The following ROBO2 variants were observed in gnomAD, a reference collection of about 807,000 sequenced individuals.
The protein encoded by ROBO2 is roundabout homolog 2.
Under a neutral mutation model 160.8 loss-of-function variants are expected in ROBO2, and 53 were observed. The ratio of observed to expected loss-of-function variants is 0.33; its 90% CI spans 0.26 to 0.41. The LOEUF (loss-of-function observed/expected upper bound fraction) is 0.41, where lower values mean the gene tolerates loss of function less well. Ranked by LOEUF, ROBO2 falls within the 10% of genes least tolerant of loss-of-function variation. The pLI, the probability that ROBO2 is intolerant of heterozygous loss-of-function variation, is 1.00. For missense variants in ROBO2, 1,577 were observed against 1,722.4 expected (o/e 0.92, Z 1.49); for synonymous variants, 664 against 611.7 (o/e 1.09, Z -1.26).
chr3:77,117,030 G>C (rs941724360), intron 2 of ROBO2, among the ~76,000 whole-genome samples: 1 of 152,088 alleles, frequency 6.6e-6, no homozygotes, highest in Admixed American at 6.6e-5. Context: ...TAAGACAAAA[G>C]TTGCAGAAAT....
At chr3:76,854,439 C>A (rs2148565888) in intron 2 of ROBO2, among the ~76,000 whole-genome samples, 1 of 152,232 alleles carries the variant, frequency 6.6e-6, no homozygotes, top group African/African-American at 2.4e-5. Context: ...TTATCTTACA[C>A]AGACAACACC....
intron 2 of ROBO2, among the ~76,000 whole-genome samples, chr3:76,337,428 A>T (rs1228473192): frequency 2.0e-5 from 3 of 152,196 alleles, no homozygotes; most frequent in Non-Finnish European, 4.4e-5. Context: ...AGGAATTAAT[A>T]TTTCCTTTCA....
chr3:76,350,086 G>A (rs1031324620), intron 2 of ROBO2, among the ~76,000 whole-genome samples: 1 of 152,034 alleles, frequency 6.6e-6, no homozygotes, highest in Non-Finnish European at 1.5e-5. Context: ...AGAAATGAGA[G>A]AGTATTAAGG....
chr3:76,194,354 A>G (rs1432320070), intron 2 of ROBO2, among the ~76,000 whole-genome samples: 15 of 66,972 alleles, frequency 2.2e-4, no homozygotes, highest in African/African-American at 9.1e-4. Flanking sequence ...TGGTGTGTAA[A>G]TATATATATA....
chr3:76,560,545 T>C (rs1223251780), intron 2 of ROBO2, among the ~76,000 whole-genome samples: 1 of 151,478 alleles, frequency 6.6e-6, no homozygotes, highest in Non-Finnish European at 1.5e-5. Context: ...TATTATTTAT[T>C]ATTATCATCA....
rs147012923 is a variant in ROBO2, at chr3:75,983,367, A to G, written c.109+45765A>G. Among the ~76,000 whole-genome samples, 31 of 151,594 alleles carry G rather than the reference A, an allele frequency of 2.0e-4. 1 individual carries two copies. The highest frequency in any genetic ancestry group is 7.0e-4 in the African/African-American group (29 of 41,528). On this transcript the variant is annotated intron_variant, in intron 2 of 26. Coordinates refer to the ROBO2 transcript ENST00000487694. The stretch of plus-strand genomic sequence containing the variant: ...CACATTTTCTGAACGGGAAGTATAC[A>G]TTATAGACTGGCACAATGAAATGTG...
chr3:77,346,521 C>T (rs989463956), intron 2 of ROBO2, among the ~76,000 whole-genome samples: 9 of 152,146 alleles, frequency 5.9e-5, no homozygotes, highest in Admixed American at 4.6e-4. Flanking sequence ...CTTAAAACCA[C>T]ACTCATTTAT....
chr3:77,503,334 A>G (rs1039429026), intron 5 of ROBO2, among the ~76,000 whole-genome samples: 32 of 151,348 alleles, frequency 2.1e-4, no homozygotes, highest in African/African-American at 7.8e-4. Flanking sequence ...GACCATCCTG[A>G]CTAACACGGT....
In ROBO2 at chr3:76,118,516, A is replaced by G. The variant is rs569089113; in HGVS notation, c.109+180914A>G. On this transcript the variant is annotated intron_variant, in intron 2 of 26. Transcript: ENST00000487694. Reference sequence around the variant, plus strand: ...CATATGATGGAGATGAGATTCTCAGATTCTTTCCCTTCAAAAGTGTTAACA... The same window carrying G: ...CATATGATGGAGATGAGATTCTCAGGTTCTTTCCCTTCAAAAGTGTTAACA... Among the ~76,000 whole-genome samples the G allele has an allele frequency of 2.8e-4, 43 of 152,286 alleles. No homozygotes were observed. In the South Asian group the frequency reaches 8.3e-3, roughly 29 times the overall value.
At chr3:76,398,760 ATATTC>A (rs1211081538) in intron 2 of ROBO2, among the ~76,000 whole-genome samples, 2 of 152,030 alleles carry the variant, frequency 1.3e-5, no homozygotes, top group African/African-American at 4.8e-5. Flanking sequence ...TTGGTTTAGT[ATATTC>A]TATTAGTTTA....
chr3:76,403,180 G>GTTTCTTAA (rs2077940272), intron 2 of ROBO2, among the ~76,000 whole-genome samples: 1 of 151,518 alleles, frequency 6.6e-6, no homozygotes, highest in Non-Finnish European at 1.5e-5. Context: ...ATGAGATTTT[G>GTTTCTTAA]TTTCTTAAAC....
chr3:76,893,986 T>A (rs2074564204), intron 2 of ROBO2, among the ~76,000 whole-genome samples: 1 of 152,144 alleles, frequency 6.6e-6, no homozygotes, highest in Non-Finnish European at 1.5e-5. Flanking sequence ...AGCCTGTGAA[T>A]TGATAGACGA....
intron 2 of ROBO2, among the ~76,000 whole-genome samples, chr3:76,559,457 TTTAACCAATCAACCAATTGG>T (rs2084018832): frequency 6.6e-6 from 1 of 152,106 alleles, no homozygotes; most frequent in Admixed American, 6.6e-5. Flanking sequence ...GAAAATTCGT[TTTAACCAATCAACCAATTGG>T]TTAAAAAAAC....
At chr3:76,798,219 G>T (rs550248094) in intron 2 of ROBO2, among the ~76,000 whole-genome samples, 1 of 99,572 alleles carries the variant, frequency 1.0e-5, no homozygotes, top group East Asian at 3.0e-4. Flanking sequence ...AAGAGAAAAA[G>T]AAAGAAAGAG....
At chr3:77,291,861 C>G (rs1225029758) in intron 2 of ROBO2, among the ~76,000 whole-genome samples, 1 of 149,312 alleles carries the variant, frequency 6.7e-6, no homozygotes, top group Non-Finnish European at 1.5e-5. Context: ...CTAGATCACC[C>G]CAGACATAAA....
At chr3:76,791,292 C>A (rs924600747) in intron 2 of ROBO2, among the ~76,000 whole-genome samples, 3 of 151,760 alleles carry the variant, frequency 2.0e-5, no homozygotes, top group African/African-American at 7.3e-5. Flanking sequence ...AGTGAGCCTG[C>A]AGAATGGTCC....
In ROBO2 at chr3:77,063,338, T is replaced by C. The variant is rs190134768; in HGVS notation, c.61+22492T>C. On this transcript the variant is annotated intron_variant, in intron 1 of 25. Coordinates refer to ENST00000461745, the Ensembl canonical transcript of ROBO2. ...GTGCTTAGATTTGATAATGTGAAGA[T>C]GGTAAGGAATAAAATAGGAGGAGGT... Among the ~76,000 whole-genome samples the C allele has an allele frequency of 3.4e-4, 52 of 152,202 alleles. 1 individual carries two copies. The East Asian group carries it at 3.9e-3, about 11-fold the overall frequency.
intron 2 of ROBO2, among the ~76,000 whole-genome samples, chr3:77,368,453 A>C (rs2153474726): frequency 6.6e-6 from 1 of 152,300 alleles, no homozygotes; most frequent in Non-Finnish European, 1.5e-5. Context: ...AAGACAAAAA[A>C]ACTTGAGCAC....
chr3:76,546,571 G>A (rs145883683), intron 2 of ROBO2, among the ~76,000 whole-genome samples: 11 of 151,886 alleles, frequency 7.2e-5, no homozygotes, highest in African/African-American at 2.7e-4. Flanking sequence ...CAGAGAAATG[G>A]CAATGTGACA....
Sources: allele counts gnomAD v4.1 joint callset (sites outside exome capture counted in the v4.1 genomes callset), GRCh38; gene constraint gnomAD v4.1.1; transcripts MANE v1.5; gene names NCBI Gene and HGNC (gene_info 2026-07-23, HGNC 2026-07-21).